Variants in LYRM4 observed in about 807,000 individuals in gnomAD.
LYRM4 encodes LYR motif containing 4.
Under a neutral mutation model 11.7 loss-of-function variants are expected in LYRM4, and 9 were observed. The ratio of observed to expected loss-of-function variants is 0.77; its 90% CI spans 0.46 to 1.34. The LOEUF is 1.34. Ranked by LOEUF, LYRM4 falls within the 40% of genes most tolerant of loss-of-function variation. The probability of loss-of-function intolerance (pLI) is 0.00; values close to 1 mark genes in which losing one functional copy is unlikely to be tolerated. For missense variants in LYRM4, 133 were observed against 112.5 expected, an observed-to-expected ratio of 1.18 and a Z score of -0.82; for synonymous variants, 42 against 40.4, an observed-to-expected ratio of 1.04 and a Z score of -0.15.
the LYRM4 span, among the ~76,000 whole-genome samples, chr6:5,057,227 G>C: frequency 2.0e-5 from 3 of 152,016 alleles, no homozygotes; most frequent in Non-Finnish European, 4.4e-5. Flanking sequence ...GGGGGCCCAC[G>C]AGCCACACCC....
At chr6:5,154,869 G>A (rs1391612556) in intron 2 of LYRM4, among the ~76,000 whole-genome samples, 1 of 152,130 alleles carries the variant, frequency 6.6e-6, no homozygotes, top group Non-Finnish European at 1.5e-5. Context: ...ATTCACAAAG[G>A]TGCAGTAACT....
the LYRM4 span, among the ~76,000 whole-genome samples, chr6:5,052,864 T>G: frequency 1.3e-5 from 2 of 152,228 alleles, no homozygotes; most frequent in African/African-American, 2.4e-5. Flanking sequence ...ACTTCACTTT[T>G]GAGGAGGAGC....
At chr6:5,089,174 G>A in the LYRM4 span, 1 of 152,062 alleles carries the variant, frequency 6.6e-6, no homozygotes, top group African/African-American at 2.4e-5. Flanking sequence ...ATTCATATAT[G>A]CTTATAAAAA....
At chr6:5,070,405 G>T in the LYRM4 span, among the ~76,000 whole-genome samples, 1 of 152,264 alleles carries the variant, frequency 6.6e-6, no homozygotes, top group African/African-American at 2.4e-5. Flanking sequence ...TTTACTAACA[G>T]TATTATTGCT....
At chr6:5,105,422 G>T, downstream of LYRM4, 1 of 152,486 alleles carries the variant, frequency 6.6e-6, no homozygotes. Context: ...CGCTTGCCTG[G>T]AATGCCACAC....
chr6:5,074,504 T>C, the LYRM4 span, among the ~76,000 whole-genome samples: 2 of 149,120 alleles, frequency 1.3e-5, no homozygotes, highest in Admixed American at 6.8e-5. Context: ...AAGAAGTCAA[T>C]GCAGATAGAA....
chr6:5,242,630 G>A (rs1360552923), intron 1 of LYRM4, among the ~76,000 whole-genome samples: 1 of 151,470 alleles, frequency 6.6e-6, no homozygotes, highest in African/African-American at 2.4e-5. Flanking sequence ...TGAGGCAGGA[G>A]AACCACTTGA....
intron 2 of LYRM4, among the ~76,000 whole-genome samples, chr6:5,153,569 G>A (rs2746235): frequency 0.78 from 119,167 of 152,156 alleles, 46,880 homozygotes; most frequent in East Asian, 0.93. Context: ...CCTCTTTTGT[G>A]AAAGAGGCAA....
chr6:5,162,224 G>A (rs1050543309), intron 2 of LYRM4, among the ~76,000 whole-genome samples: 17 of 152,162 alleles, frequency 1.1e-4, no homozygotes, highest in Admixed American at 2.0e-4. Context: ...TCTAAAGCTC[G>A]CTAGATGATT....
At chr6:5,066,906 A>G in the LYRM4 span, 1 of 1,167,576 alleles carries the variant, frequency 8.6e-7, no homozygotes, top group South Asian at 1.8e-5. Context: ...TCCAGACCCT[A>G]AAATGCAAAA....
the LYRM4 span, among the ~76,000 whole-genome samples, chr6:5,064,856 T>A: frequency 2.6e-5 from 4 of 152,156 alleles, no homozygotes; most frequent in Non-Finnish European, 5.9e-5. Context: ...GTTGGGAACA[T>A]TAAAATGTGC....
At chr6:5,133,290 G>A (rs1310902727) in intron 2 of LYRM4, among the ~76,000 whole-genome samples, 1 of 152,214 alleles carries the variant, frequency 6.6e-6, no homozygotes, top group African/African-American at 2.4e-5. Flanking sequence ...TAAAAAAGGA[G>A]AGAACATTTT....
At chr6:5,191,667 G>C (rs941786913) in intron 2 of LYRM4, among the ~76,000 whole-genome samples, 2 of 152,174 alleles carry the variant, frequency 1.3e-5, no homozygotes, top group Admixed American at 1.3e-4. Context: ...AACCACTAAT[G>C]TAACAACTGA....
At chr6:5,214,511 T>C (rs1581521299) in intron 2 of LYRM4, among the ~76,000 whole-genome samples, 1 of 152,158 alleles carries the variant, frequency 6.6e-6, no homozygotes, top group Admixed American at 6.6e-5. Flanking sequence ...TGGCCCGATC[T>C]TTCTTTTGAA....
the LYRM4 span, among the ~76,000 whole-genome samples, chr6:5,073,980 C>T: frequency 8.6e-5 from 13 of 151,746 alleles, no homozygotes; most frequent in African/African-American, 3.2e-4. Context: ...TCTTGGAAGC[C>T]ATTCTGACAC....
the LYRM4 span, among the ~76,000 whole-genome samples, chr6:5,098,319 C>G: frequency 6.6e-6 from 1 of 152,222 alleles, no homozygotes; most frequent in Non-Finnish European, 1.5e-5. Context: ...AGGCACGTGG[C>G]TCTGCTCTGC....
At chr6:5,241,745 T>A (rs1290445702) in intron 1 of LYRM4, among the ~76,000 whole-genome samples, 2 of 152,312 alleles carry the variant, frequency 1.3e-5, no homozygotes, top group Non-Finnish European at 2.9e-5. Context: ...TAAACATTTG[T>A]TAATTGAATG....
chr6:5,260,873 C>G lies in LYRM4; in HGVS notation c.-140G>C. 6.9e-7 allele frequency: 1 copy of G among 1,446,914 alleles called. No individual in the cohort carries two copies. The highest frequency in any genetic ancestry group is 1.4e-5 in the South Asian group (1 of 70,180). 89.6% of individuals were successfully genotyped at this position (1,446,914 alleles called of 1,614,324 possible). On this transcript the variant is annotated 5_prime_UTR_variant, in exon 1 of 3. Coordinates refer to ENST00000330636, the MANE Select transcript of LYRM4 (RefSeq NM_020408.6). ...GCTTTGCCAGCGGGCCGGGCCTAAG[C>G]CTAAGCGGGCAGCCCTGCGGATCGC...
chr6:5,034,193 C>T, the LYRM4 span: 1 of 152,228 alleles, frequency 6.6e-6, no homozygotes, highest in Non-Finnish European at 1.5e-5. Flanking sequence ...GTGCTGTTGG[C>T]AGTAAGTTCA....
Sources: gnomAD v4.1 joint callset for allele counts (sites outside exome capture counted in the v4.1 genomes callset) on GRCh38, gnomAD v4.1.1 for gene constraint, MANE v1.5 for transcripts, NCBI Gene and HGNC (gene_info 2026-07-23, HGNC 2026-07-21) for gene names.